The following USH2A variants were observed in gnomAD, a reference collection of about 807,000 sequenced individuals.
USH2A encodes the protein usherin.
Under a neutral mutation model 538.9 loss-of-function variants are expected in USH2A, and 443 were observed. The ratio of observed to expected loss-of-function variants is 0.82; its 90% CI spans 0.76 to 0.89. The LOEUF (loss-of-function observed/expected upper bound fraction) is 0.89, where lower values mean the gene tolerates loss of function less well. Among genes scored for constraint, USH2A ranks in the 40% least tolerant of loss-of-function variants. The pLI is 0.00. For synonymous variants in USH2A, 2,413 were observed against 2,273.5 expected, an observed-to-expected ratio of 1.06 and a Z score of -1.75; for missense variants, 6,633 against 6,324.8, an observed-to-expected ratio of 1.05 and a Z score of -1.65.
At chr1:216,010,056 C>G (rs913837098) in intron 32 of USH2A, among the ~76,000 whole-genome samples, 2 of 152,102 alleles carry the variant, frequency 1.3e-5, no homozygotes, top group Non-Finnish European at 2.9e-5. Flanking sequence ...AATCTGCTCC[C>G]GACATTAAAT....
intron 30 of USH2A, 56 bp downstream of exon 30, chr1:216,070,045 A>T (rs1450179121): frequency 1.3e-6 from 2 of 1,586,566 alleles, no homozygotes; most frequent in African/African-American, 2.7e-5. Flanking sequence ...TTTTTATTTA[A>T]AATGCAAACA....
At chr1:216,302,923 T>C (rs1225581399) in intron 9 of USH2A, among the ~76,000 whole-genome samples, 1 of 152,090 alleles carries the variant, frequency 6.6e-6, no homozygotes, top group East Asian at 1.9e-4. Context: ...TTTTAAACAG[T>C]ATTTCCTTAC....
intron 3 of USH2A, among the ~76,000 whole-genome samples, chr1:216,374,115 AG>A (rs1182760153): frequency 1.4e-4 from 8 of 58,948 alleles, no homozygotes; most frequent in Admixed American, 2.7e-4. Context: ...GGGTGGGGGG[AG>A]GGGGGAGGGA....
intron 44 of USH2A, among the ~76,000 whole-genome samples, chr1:215,859,336 CT>C (rs1291384344): frequency 6.6e-6 from 1 of 152,064 alleles, no homozygotes; most frequent in Admixed American, 6.6e-5. Context: ...AGATTGAGAC[CT>C]TCCTGGCTAA....
At position 215,993,157 on chromosome 1, in the gene USH2A, C is replaced by T. The variant is rs755612537; in HGVS notation, c.6668G>A (p.Gly2223Asp). The change falls in exon 35 of 72, where the codon GGT becomes GAT. Residue 2223 changes from glycine to aspartate, a missense_variant. Coordinates refer to ENST00000307340, the MANE Select transcript of USH2A (RefSeq NM_206933.4). ...GGCCTCACTCACTGTGCACCCACCACCTGTGCAAGCCTAAACAGAGATGCA... is the reference window on the plus strand; with the variant it reads ...GGCCTCACTCACTGTGCACCCACCATCTGTGCAAGCCTAAACAGAGATGCA... ...KYLIKLGACT[G>D]GGCTVSEASE... The T allele has an allele frequency of 8.1e-6, 13 of 1,613,908 alleles. No individual in the cohort carries two copies. The highest frequency in any genetic ancestry group is 1.1e-5 in the Non-Finnish European group (13 of 1,179,972).
chr1:216,204,052 C>G (rs2035057900), intron 16 of USH2A: 1 of 162,362 alleles, frequency 6.2e-6, no homozygotes. Flanking sequence ...AGTCTCTAAT[C>G]TGACTTTCAT....
chr1:215,961,786 T>A (rs2102451088), intron 37 of USH2A, among the ~76,000 whole-genome samples: 1 of 151,872 alleles, frequency 6.6e-6, no homozygotes, highest in Middle Eastern at 3.4e-3. Context: ...TAAATGGTTT[T>A]GAGAGAAAGG....
At chr1:215,777,347 T>C (rs1661493649) in intron 55 of USH2A, among the ~76,000 whole-genome samples, 1 of 152,184 alleles carries the variant, frequency 6.6e-6, no homozygotes, top group African/African-American at 2.4e-5. Flanking sequence ...GGTTTGAACA[T>C]TACAATTGAA....
At chr1:215,878,089 T>C (rs1185513713) in intron 42 of USH2A, among the ~76,000 whole-genome samples, 3 of 152,160 alleles carry the variant, frequency 2.0e-5, no homozygotes, top group South Asian at 2.1e-4. Flanking sequence ...GAAGAATCAG[T>C]TACATTCGCA....
chr1:216,171,245 C>T (rs2034270968), intron 21 of USH2A, among the ~76,000 whole-genome samples: 1 of 151,778 alleles, frequency 6.6e-6, no homozygotes, highest in Non-Finnish European at 1.5e-5. Flanking sequence ...ATTGTGGGGC[C>T]TCCTAAACAT....
chr1:215,719,432 G>C (rs1042046156), intron 61 of USH2A, among the ~76,000 whole-genome samples: 1 of 149,298 alleles, frequency 6.7e-6, no homozygotes, highest in Non-Finnish European at 1.5e-5. Context: ...ACCTAATCCA[G>C]TATTTGGAAA....
rs1480178477 is a variant in USH2A at position 216,196,733 on chromosome 1, G to A, written c.4082-11C>T. On this transcript the variant is annotated splice_polypyrimidine_tract_variant and intron_variant, in intron 18 of 71. Transcript: ENST00000307340. ...TCATGAATACAGGTGCTATCAATGA[G>A]AACAATAACAATAACATCAAAACAA... The A allele has an allele frequency of 6.2e-7, 1 of 1,611,502 alleles. No homozygotes were observed. Among genetic ancestry groups the A allele is most frequent in the East Asian group, 2.2e-5 (1 of 44,592 alleles).
At chr1:216,048,433 G>A in intron 31 of USH2A, 101 bp downstream of exon 31, 1 of 1,194,266 alleles carries the variant, frequency 8.4e-7, no homozygotes, top group Admixed American at 1.7e-5. Context: ...ATCAAATTAG[G>A]TTGGGGTTTG....
At chr1:216,384,202 A>T (rs2038966249) in intron 3 of USH2A, among the ~76,000 whole-genome samples, 1 of 151,784 alleles carries the variant, frequency 6.6e-6, no homozygotes, top group Non-Finnish European at 1.5e-5. Context: ...AATAAAAAAA[A>T]TTTAAAATTA....
At chr1:216,016,129 T>C (rs1261855912) in intron 32 of USH2A, among the ~76,000 whole-genome samples, 2 of 124,776 alleles carry the variant, frequency 1.6e-5, no homozygotes, top group African/African-American at 3.1e-5. Flanking sequence ...CACTCATAGG[T>C]GGGAACTGAA....
At chr1:216,308,250 A>G (rs1310599948) in intron 9 of USH2A, among the ~76,000 whole-genome samples, 2 of 152,212 alleles carry the variant, frequency 1.3e-5, no homozygotes, top group African/African-American at 4.8e-5. Context: ...CTTCATATCC[A>G]CTACTGTAAA....
intron 26 of USH2A, among the ~76,000 whole-genome samples, chr1:216,079,805 G>C (rs567812695): frequency 6.6e-6 from 1 of 152,236 alleles, no homozygotes; most frequent in South Asian, 2.1e-4. Flanking sequence ...AACATATTGA[G>C]AGTCATTAAA....
At chr1:216,233,796 G>C (rs964864774) in intron 13 of USH2A, among the ~76,000 whole-genome samples, 1 of 152,112 alleles carries the variant, frequency 6.6e-6, no homozygotes, top group Non-Finnish European at 1.5e-5. Context: ...GAATTAGAAA[G>C]TTATCAGGCA....
chr1:215,835,558 T>C (rs1267452021), intron 47 of USH2A, among the ~76,000 whole-genome samples: 2 of 152,264 alleles, frequency 1.3e-5, no homozygotes, highest in Admixed American at 1.3e-4. Flanking sequence ...GACTTTGTCA[T>C]GTGGAGGAAG....
Sources: gnomAD v4.1 joint callset for allele counts (sites outside exome capture counted in the v4.1 genomes callset) on GRCh38, gnomAD v4.1.1 for gene constraint, MANE v1.5 for transcripts, NCBI Gene and HGNC (gene_info 2026-07-23, HGNC 2026-07-21) for gene names.